The following INPP5B variants were observed in gnomAD, a reference collection of about 807,000 sequenced individuals.
INPP5B encodes the protein inositol polyphosphate-5-phosphatase B, also known as type II inositol 1,4,5-trisphosphate 5-phosphatase.
A neutral mutation model predicts 118.5 loss-of-function variants in INPP5B; 90 were observed. That is an observed-to-expected ratio of 0.76 (90% CI 0.64 to 0.90). The LOEUF is 0.90. Ranked by LOEUF, INPP5B falls within the 40% of genes least tolerant of loss-of-function variation. The pLI is 0.00. For missense variants in INPP5B, 984 were observed against 1,125.6 expected (o/e 0.87, Z 1.80); for synonymous variants, 385 against 418.9 (o/e 0.92, Z 0.99).
At chr1:37,903,803 T>C (rs765995508) in intron 7 of INPP5B, among the ~76,000 whole-genome samples, 3 of 152,034 alleles carry the variant, frequency 2.0e-5, no homozygotes, top group African/African-American at 4.8e-5. Flanking sequence ...AGCAGAAGAA[T>C]TGCTTGAACC....
intron 7 of INPP5B, among the ~76,000 whole-genome samples, chr1:37,922,512 G>A (rs528651114): frequency 2.6e-4 from 39 of 151,716 alleles, no homozygotes; most frequent in Non-Finnish European, 5.2e-4. Flanking sequence ...TGGCTAACAC[G>A]GTGAAACCCC....
chr1:37,892,399 G>C (rs1466522673), intron 7 of INPP5B, among the ~76,000 whole-genome samples: 2 of 152,170 alleles, frequency 1.3e-5, no homozygotes, highest in East Asian at 3.9e-4. Context: ...AATATTTTGG[G>C]AAAGTCGTTA....
intron 7 of INPP5B, among the ~76,000 whole-genome samples, chr1:37,914,668 A>T (rs970233702): frequency 2.0e-5 from 3 of 152,100 alleles, no homozygotes; most frequent in Admixed American, 6.5e-5. Flanking sequence ...TCTTCAAAAA[A>T]CTTTCTCTGG....
At chr1:37,896,985 G>A (rs1361142804) in intron 7 of INPP5B, among the ~76,000 whole-genome samples, 1 of 113,712 alleles carries the variant, frequency 8.8e-6, no homozygotes, top group Non-Finnish European at 2.1e-5. Context: ...GGGAGGTGGG[G>A]GGGTCAGCCC....
At chr1:37,867,534 T>A (rs533648348) in intron 20 of INPP5B, among the ~76,000 whole-genome samples, 12 of 152,322 alleles carry the variant, frequency 7.9e-5, no homozygotes, top group African/African-American at 2.9e-4. Context: ...TGAGAACTAC[T>A]GTGAAAACTA....
chr1:37,887,657 C>T (rs1168309169), intron 10 of INPP5B, among the ~76,000 whole-genome samples, 192 bp from the exon 11 acceptor site: 1 of 152,146 alleles, frequency 6.6e-6, no homozygotes, highest in African/African-American at 2.4e-5. Context: ...AACAAAAACC[C>T]ATTTTCTTTT....
In INPP5B at chr1:37,922,839, T is replaced by C. The variant is rs76197620; in HGVS notation, c.532+9074A>G. On this transcript the variant is annotated intron_variant, in intron 7 of 23. Coordinates refer to ENST00000373024, the MANE Select transcript of INPP5B (RefSeq NM_005540.3). ...CCAATTTAGGCTGGCAAGGACTAAA[T>C]ATGACCAGTTTAGCTTTCAAGGAGG... 8.8e-3 allele frequency among the ~76,000 whole-genome samples: 1,336 copies of C among 152,362 alleles called. 19 individuals are homozygous for C. The highest frequency in any genetic ancestry group is 0.031 in the African/African-American group (1,270 of 41,582).
At chr1:37,917,309 TA>T (rs1396672658) in intron 7 of INPP5B, among the ~76,000 whole-genome samples, 258 of 2,302 alleles carry the variant, frequency 0.11, 7 homozygotes, top group African/African-American at 0.16. Context: ...AAAAAATAAT[TA>T]TATATATATA....
At chr1:37,921,155 T>C (rs61776681) in intron 7 of INPP5B, among the ~76,000 whole-genome samples, 13,804 of 152,260 alleles carry the variant, frequency 0.091, 806 homozygotes, top group Middle Eastern at 0.23. Context: ...ATGGAATTTT[T>C]GTGACACAGT....
chr1:37,868,994 T>C (rs1200377968), intron 19 of INPP5B, among the ~76,000 whole-genome samples: 2 of 152,106 alleles, frequency 1.3e-5, no homozygotes, highest in Admixed American at 1.3e-4. Flanking sequence ...TTTATTTTTT[T>C]TTATTTTTAT....
chr1:37,930,312 TG>T (rs1384386170), intron 7 of INPP5B: 1 of 152,142 alleles, frequency 6.6e-6, no homozygotes, highest in African/African-American at 2.4e-5. Flanking sequence ...TGAAAGGAAA[TG>T]AAAGATTGAG....
At chr1:37,921,900 C>T (rs994781001) in intron 7 of INPP5B, among the ~76,000 whole-genome samples, 3 of 151,992 alleles carry the variant, frequency 2.0e-5, no homozygotes, top group African/African-American at 7.3e-5. Context: ...GGCTTGCTGG[C>T]GAGCGCCTGT....
intron 7 of INPP5B, chr1:37,928,510 TACCA>T (rs1645328631): frequency 6.6e-6 from 1 of 152,182 alleles, no homozygotes; most frequent in African/African-American, 2.4e-5. Context: ...AAGCGCACAC[TACCA>T]TGCCCAGTTA....
chr1:37,939,782 G>A (rs1645847740), intron 6 of INPP5B, among the ~76,000 whole-genome samples: 2 of 151,484 alleles, frequency 1.3e-5, no homozygotes, highest in Admixed American at 1.3e-4. Context: ...TCACTCTGTT[G>A]CCCATGCTGC....
At chr1:37,902,267 G>C in intron 7 of INPP5B, among the ~76,000 whole-genome samples, 1 of 152,080 alleles carries the variant, frequency 6.6e-6, no homozygotes, top group East Asian at 1.9e-4. Flanking sequence ...GATTACAGGC[G>C]TGAGCCACCT....
chr1:37,918,788 G>A (rs573625061), intron 7 of INPP5B, among the ~76,000 whole-genome samples: 3 of 152,246 alleles, frequency 2.0e-5, no homozygotes, highest in East Asian at 1.9e-4. Flanking sequence ...CATGGGTCAC[G>A]AACCTAGCAC....
Position 37,907,743 on chromosome 1 carries a change from A to G in INPP5B, c.533-16289T>C, listed in dbSNP as rs1644546537. On this transcript the variant is annotated intron_variant, in intron 7 of 23. Transcript: ENST00000373024. This position sits in a 1 kb window ranked among gnomAD's most constrained non-coding sequence, Gnocchi z 4.3. ...TTGCTACATTCCCTCCAGTGCCTTG[A>G]CAATTTACAAATGCCACGGTAATGT... Among the ~76,000 whole-genome samples the G allele has an allele frequency of 6.6e-6, 1 of 152,202 alleles. No homozygotes were observed. The highest frequency in any genetic ancestry group is 2.1e-4 in the South Asian group (1 of 4,832).
intron 23 of INPP5B, among the ~76,000 whole-genome samples, chr1:37,863,320 T>C (rs1641821435): frequency 6.6e-6 from 1 of 150,506 alleles, no homozygotes; most frequent in East Asian, 2.0e-4. Flanking sequence ...ATTGAGACCA[T>C]CCTGGCCAAC....
intron 15 of INPP5B, among the ~76,000 whole-genome samples, chr1:37,878,902 G>A (rs1471890085): frequency 1.3e-5 from 2 of 149,574 alleles, no homozygotes; most frequent in Admixed American, 6.7e-5. Flanking sequence ...TGCCCGCCTC[G>A]GCCTCCCAAA....
Sources: allele counts gnomAD v4.1 joint callset (sites outside exome capture counted in the v4.1 genomes callset), GRCh38; gene constraint gnomAD v4.1.1; non-coding constraint Gnocchi (gnomAD v3.1); transcripts MANE v1.5; gene names NCBI Gene and HGNC (gene_info 2026-07-23, HGNC 2026-07-21).